Variants in SLC24A2 observed in about 807,000 individuals in gnomAD.
SLC24A2 encodes the protein sodium/potassium/calcium exchanger 2.
SLC24A2 carries 36 observed loss-of-function variants against 62.0 expected under a neutral mutation model. That is an observed-to-expected ratio of 0.58 (90% confidence interval 0.44 to 0.77). SLC24A2 has a LOEUF of 0.77. Ranked by LOEUF, SLC24A2 falls within the 30% of genes least tolerant of loss-of-function variation. The probability of loss-of-function intolerance (pLI) is 0.00; values close to 1 mark genes in which losing one functional copy is unlikely to be tolerated. For synonymous variants in SLC24A2, 358 were observed against 294.0 expected (o/e 1.22, Z -2.23); for missense variants, 846 against 817.9 (o/e 1.03, Z -0.42).
chr9:19,822,349 TA>T, the SLC24A2 span, among the ~76,000 whole-genome samples: 2 of 152,124 alleles, frequency 1.3e-5, no homozygotes, highest in African/African-American at 4.8e-5. Flanking sequence ...TGGCTTAGAC[TA>T]AAAATATATA....
the SLC24A2 span, among the ~76,000 whole-genome samples, chr9:20,260,689 T>A: frequency 1.2e-4 from 18 of 152,126 alleles, no homozygotes; most frequent in Non-Finnish European, 2.1e-4. Context: ...GGAGAACAGG[T>A]GGTGTTTGGC....
chr9:19,866,888 T>C, the SLC24A2 span, among the ~76,000 whole-genome samples: 1 of 151,764 alleles, frequency 6.6e-6, no homozygotes, highest in Admixed American at 6.6e-5. Context: ...ATATAGAGAG[T>C]AGAAGGCTGA....
chr9:19,922,849 T>A, the SLC24A2 span, among the ~76,000 whole-genome samples: 781 of 152,244 alleles, frequency 5.1e-3, 6 homozygotes, highest in Admixed American at 0.032. Flanking sequence ...CTTGAATGCA[T>A]GAGGATTTTT....
chr9:20,220,930 C>G, the SLC24A2 span, among the ~76,000 whole-genome samples: 184 of 152,210 alleles, frequency 1.2e-3, no homozygotes, highest in African/African-American at 4.3e-3. Context: ...ATTCTTCTTT[C>G]TTAAAACATA....
chr9:20,205,441 G>A, the SLC24A2 span, among the ~76,000 whole-genome samples: 1 of 151,992 alleles, frequency 6.6e-6, no homozygotes, highest in Non-Finnish European at 1.5e-5. Context: ...AAGGTCAGGA[G>A]ATCGAGACCA....
the SLC24A2 span, among the ~76,000 whole-genome samples, chr9:20,234,567 T>G: frequency 1.3e-5 from 2 of 152,256 alleles, no homozygotes; most frequent in South Asian, 4.1e-4. Context: ...TGCCTTGGTT[T>G]TCAGCTCCAT....
intron 7 of SLC24A2, among the ~76,000 whole-genome samples, chr9:19,566,710 C>G (rs1207789076): frequency 2.0e-5 from 3 of 152,138 alleles, no homozygotes; most frequent in Non-Finnish European, 2.9e-5. Context: ...GAAACCAACC[C>G]AAATGTCCAC....
intron 5 of SLC24A2, among the ~76,000 whole-genome samples, chr9:19,583,122 G>C (rs12345219): frequency 0.22 from 34,159 of 151,956 alleles, 4,087 homozygotes; most frequent in African/African-American, 0.31. Flanking sequence ...CTGATTCTGT[G>C]CAGTGAAACT....
At chr9:19,944,559 A>G in the SLC24A2 span, among the ~76,000 whole-genome samples, 34 of 152,266 alleles carry the variant, frequency 2.2e-4, no homozygotes, top group Admixed American at 3.9e-4. Context: ...ATTTTAGTTA[A>G]TAATAGGATC....
At chr9:19,788,047 T>A (rs2383124) in intron 1 of SLC24A2, among the ~76,000 whole-genome samples, 40 of 152,168 alleles carry the variant, frequency 2.6e-4, no homozygotes, top group African/African-American at 9.4e-4. Context: ...ACTATTCTTT[T>A]CCATATCAAC....
At chr9:19,656,018 C>A (rs1470903876) in intron 2 of SLC24A2, among the ~76,000 whole-genome samples, 1 of 152,106 alleles carries the variant, frequency 6.6e-6, no homozygotes, top group African/African-American at 2.4e-5. Flanking sequence ...ATCACTGTCT[C>A]CCGGTTGGAT....
intron 2 of SLC24A2, among the ~76,000 whole-genome samples, chr9:19,645,027 G>C (rs1455531795): frequency 6.6e-6 from 1 of 151,998 alleles, no homozygotes; most frequent in African/African-American, 2.4e-5. Context: ...TTAAAGGTGA[G>C]AAAAAAACAC....
the SLC24A2 span, among the ~76,000 whole-genome samples, chr9:19,861,803 T>C: frequency 6.6e-6 from 1 of 152,060 alleles, no homozygotes; most frequent in Non-Finnish European, 1.5e-5. Context: ...TACTGAAGAA[T>C]GCATCAGAGT....
the SLC24A2 span, among the ~76,000 whole-genome samples, chr9:20,191,514 T>C: frequency 6.6e-6 from 1 of 151,920 alleles, no homozygotes; most frequent in African/African-American, 2.4e-5. Context: ...CCAGAAAGCA[T>C]TCCGACAGTA....
the SLC24A2 span, among the ~76,000 whole-genome samples, chr9:19,908,411 G>C: frequency 3.9e-5 from 6 of 152,048 alleles, no homozygotes; most frequent in African/African-American, 1.4e-4. Context: ...ATACCATTCA[G>C]GACATAGGCA....
chr9:19,930,898 T>C, the SLC24A2 span, among the ~76,000 whole-genome samples: 6 of 152,298 alleles, frequency 3.9e-5, no homozygotes, highest in African/African-American at 9.6e-5. Context: ...TAAAGATTAA[T>C]AATGGGGGAA....
chr9:19,728,158 T>C (rs1821227562), intron 2 of SLC24A2, among the ~76,000 whole-genome samples: 1 of 152,218 alleles, frequency 6.6e-6, no homozygotes, highest in Non-Finnish European at 1.5e-5. Flanking sequence ...TACCCAAGGC[T>C]GTGCCCTTTC....
At chr9:20,240,469 G>T in the SLC24A2 span, among the ~76,000 whole-genome samples, 1 of 152,172 alleles carries the variant, frequency 6.6e-6, no homozygotes, top group African/African-American at 2.4e-5. Flanking sequence ...GCATCACGCT[G>T]TGGGATTTGA....
intron 8 of SLC24A2, among the ~76,000 whole-genome samples, chr9:19,547,256 C>A (rs1834627369): frequency 6.6e-6 from 1 of 152,162 alleles, no homozygotes; most frequent in South Asian, 2.1e-4. Flanking sequence ...GAAATCCAGT[C>A]CATTCCAGGG....
Sources: allele counts gnomAD v4.1 joint callset (sites outside exome capture counted in the v4.1 genomes callset), GRCh38; gene constraint gnomAD v4.1.1; transcripts MANE v1.5; gene names NCBI Gene and HGNC (gene_info 2026-07-23, HGNC 2026-07-21).